The following P3H2 variants were observed in gnomAD, a reference collection of about 807,000 sequenced individuals.
The protein encoded by P3H2 is prolyl 3-hydroxylase 2, also known as leprecan-like 1.
P3H2 carries 80 observed loss-of-function variants against 87.0 expected under a neutral mutation model. The observed-to-expected ratio is 0.92, with a 90% CI of 0.77 to 1.11. The LOEUF (loss-of-function observed/expected upper bound fraction) is 1.11, where lower values mean the gene tolerates loss of function less well. Ranked by LOEUF, P3H2 falls within the 50% of genes least tolerant of loss-of-function variation. The pLI is 0.00. For synonymous variants in P3H2, 367 were observed against 359.3 expected (o/e 1.02, Z -0.24); for missense variants, 1,001 against 923.9 (o/e 1.08, Z -1.08).
At chr3:190,038,910 C>A (rs1431079874) in intron 1 of P3H2, among the ~76,000 whole-genome samples, 1 of 152,128 alleles carries the variant, frequency 6.6e-6, no homozygotes, top group East Asian at 1.9e-4. Flanking sequence ...AGGACTGTGG[C>A]CAGGTGCGGT....
intron 1 of P3H2, among the ~76,000 whole-genome samples, chr3:190,010,665 G>A (rs1355022081): frequency 1.3e-5 from 2 of 152,290 alleles, no homozygotes; most frequent in East Asian, 1.9e-4. Context: ...CTGGCCTCTA[G>A]AACAGTCAGA....
chr3:189,987,653 T>C lies in P3H2; in HGVS notation c.972A>G (p.Lys324=), dbSNP rs34558237. ...FAYYRVGEYV[K]ALECAKAYLL... Reference sequence around the variant, plus strand: ...GATAGGCTTTGGCACACTCCAGGGCTTTCACATACTCACCAACTGAAAGAC... The same window carrying C: ...GATAGGCTTTGGCACACTCCAGGGCCTTCACATACTCACCAACTGAAAGAC... The change falls in exon 5 of 15, where the codon AAA becomes AAG. Residue 324 remains lysine, a synonymous_variant. Transcript: ENST00000319332. The C allele has an allele frequency of 2.4e-3, 3,871 of 1,614,128 alleles. 74 individuals carry two copies. The African/African-American group carries it at 0.045, about 19-fold the overall frequency.
At chr3:190,060,840 A>G (rs1468372880) in intron 1 of P3H2, among the ~76,000 whole-genome samples, 2 of 152,154 alleles carry the variant, frequency 1.3e-5, no homozygotes, top group East Asian at 3.9e-4. Flanking sequence ...GAGTATAGAA[A>G]TGGCAGGAAC....
At chr3:190,114,367 T>A in intron 1 of P3H2, among the ~76,000 whole-genome samples, 1 of 151,646 alleles carries the variant, frequency 6.6e-6, no homozygotes, top group South Asian at 2.1e-4. Context: ...TTTGTATTTT[T>A]AGTAGAGACG....
chr3:189,963,889 A>C (rs1722891808), intron 14 of P3H2, 69 bp downstream of exon 14: 1 of 1,541,042 alleles, frequency 6.5e-7, no homozygotes, highest in African/African-American at 1.4e-5. Context: ...AAGCAATTTA[A>C]AGGACTTCTC....
At chr3:190,025,179 CTTT>C (rs72439195) in intron 1 of P3H2, among the ~76,000 whole-genome samples, 17 of 149,952 alleles carry the variant, frequency 1.1e-4, no homozygotes, top group African/African-American at 3.7e-4. Context: ...ACTAGTAGAA[CTTT>C]TTTTTTTCTT....
rs115016164 is a variant in P3H2, at chr3:189,995,044, A to C, written c.633+246T>G. ...TCTAAGTTAATTTTTATTTTCTCTT[A>C]ATTTAAAAATTTTTAATTTTTTAGT... is the stretch of plus-strand genomic sequence containing the variant. On this transcript the variant is annotated intron_variant, in intron 2 of 14. Transcript: ENST00000319332. Among the ~76,000 whole-genome samples, 245 of 152,070 alleles carry C rather than the reference A, an allele frequency of 1.6e-3. 1 individual carries two copies. Among genetic ancestry groups the C allele is most frequent in the African/African-American group, 4.4e-3 (184 of 41,544 alleles).
intron 1 of P3H2, among the ~76,000 whole-genome samples, chr3:190,017,522 T>A (rs1724805033): frequency 6.6e-6 from 1 of 152,216 alleles, no homozygotes; most frequent in South Asian, 2.1e-4. Flanking sequence ...AAGCAAGTCC[T>A]GAAGACAGCT....
chr3:190,105,126 A>G (rs1711779102), intron 1 of P3H2, among the ~76,000 whole-genome samples: 1 of 152,208 alleles, frequency 6.6e-6, no homozygotes, highest in Admixed American at 6.5e-5. Context: ...TTTAAATCTC[A>G]TTCATTTCAA....
intron 8 of P3H2, among the ~76,000 whole-genome samples, chr3:189,981,425 C>T (rs1446598535): frequency 6.6e-6 from 1 of 152,138 alleles, no homozygotes; most frequent in Non-Finnish European, 1.5e-5. Context: ...TGGGTAAAAC[C>T]TCACACACAT....
chr3:190,031,410 G>C (rs1725246792), intron 1 of P3H2, among the ~76,000 whole-genome samples: 1 of 148,380 alleles, frequency 6.7e-6, no homozygotes, highest in African/African-American at 2.5e-5. Flanking sequence ...GGCCAAGACA[G>C]GCTAATCACC....
In P3H2 at chr3:190,094,182, A is replaced by G. The variant is rs78368523; in HGVS notation, c.480+26070T>C. ...GAGCTCTGTACATTGCAAAGACACT[A>G]ATCAGTAATCCAATACTGACACTAT... On this transcript the variant is annotated intron_variant, in intron 1 of 14. Transcript: ENST00000319332. Among the ~76,000 whole-genome samples, 700 of 152,368 alleles carry G rather than the reference A, an allele frequency of 4.6e-3. 8 individuals carry two copies. The highest frequency in any genetic ancestry group is 0.016 in the African/African-American group (683 of 41,580).
At chr3:190,004,928 T>C (rs1324741687) in intron 1 of P3H2, among the ~76,000 whole-genome samples, 1 of 152,218 alleles carries the variant, frequency 6.6e-6, no homozygotes, top group African/African-American at 2.4e-5. Flanking sequence ...ACCACAGTTA[T>C]GTCTCTACAA....
chr3:190,052,892 T>C (rs1726027821), intron 1 of P3H2, among the ~76,000 whole-genome samples: 1 of 152,202 alleles, frequency 6.6e-6, no homozygotes, highest in African/African-American at 2.4e-5. Context: ...CGTGTGCCAC[T>C]TTCAAATTCA....
At chr3:190,046,704 T>C (rs1299867020) in intron 1 of P3H2, among the ~76,000 whole-genome samples, 1 of 152,202 alleles carries the variant, frequency 6.6e-6, no homozygotes, top group Non-Finnish European at 1.5e-5. Context: ...ATAAAATTTG[T>C]AATTGAACCA....
chr3:189,960,938 A>G (rs1359970708), intron 14 of P3H2, among the ~76,000 whole-genome samples: 1 of 147,484 alleles, frequency 6.8e-6, no homozygotes, highest in Non-Finnish European at 1.5e-5. Flanking sequence ...TATAAGGAAA[A>G]CAATCTTTTT....
rs537299727 is a variant in P3H2 at position 190,064,282 on chromosome 3, G to T, written c.480+55970C>A. ...CCAACCTCGGCCTCCCAAAGTGCTG[G>T]GATTATAGACATGAGTCACTGAACC... is the stretch of plus-strand genomic sequence containing the variant. On this transcript the variant is annotated intron_variant, in intron 1 of 14. Coordinates refer to ENST00000319332, the MANE Select transcript of P3H2 (RefSeq NM_018192.4). Among the ~76,000 whole-genome samples the T allele has an allele frequency of 5.3e-5, 8 of 151,682 alleles. No individual in the cohort carries two copies. The East Asian group carries it at 1.4e-3, about 26-fold the overall frequency.
chr3:190,084,755 G>A (rs1260010079), intron 1 of P3H2, among the ~76,000 whole-genome samples: 7 of 152,170 alleles, frequency 4.6e-5, no homozygotes, highest in Non-Finnish European at 7.4e-5. Context: ...CAAGTTTAGG[G>A]TTAACACAGA....
chr3:189,990,457 A>G (rs180853038), intron 3 of P3H2, among the ~76,000 whole-genome samples: 22 of 151,446 alleles, frequency 1.5e-4, no homozygotes, highest in African/African-American at 5.3e-4. Context: ...GCAAAAGGTA[A>G]AGGCGAAAGA....
Sources: allele counts gnomAD v4.1 joint callset (sites outside exome capture counted in the v4.1 genomes callset), GRCh38; gene constraint gnomAD v4.1.1; transcripts MANE v1.5; gene names NCBI Gene and HGNC (gene_info 2026-07-23, HGNC 2026-07-21).